CSMD1: variants seen among roughly 807,000 people sequenced by gnomAD.
CSMD1 encodes the protein CUB and Sushi multiple domains 1.
Under a neutral mutation model 417.5 loss-of-function variants are expected in CSMD1, and 213 were observed. The ratio of observed to expected loss-of-function variants is 0.51; its 90% CI spans 0.46 to 0.57. CSMD1 has a LOEUF of 0.57. CSMD1 is among the 20% of genes least tolerant of loss of function. CSMD1 has a pLI of 0.00. For missense variants in CSMD1, 6,923 were observed against 4,529.7 expected (o/e 1.53, Z -15.17); for synonymous variants, 2,862 against 1,736.8 (o/e 1.65, Z -16.11).
At chr8:3,675,001 G>T (rs1283496594) in intron 7 of CSMD1, among the ~76,000 whole-genome samples, 2 of 152,164 alleles carry the variant, frequency 1.3e-5, no homozygotes, top group African/African-American at 4.8e-5. Context: ...CTCCCTGGAA[G>T]GTTTTTAATG....
At chr8:3,596,071 G>A (rs1186154812) in intron 8 of CSMD1, among the ~76,000 whole-genome samples, 3 of 152,230 alleles carry the variant, frequency 2.0e-5, no homozygotes, top group South Asian at 4.1e-4. Context: ...GAAGCCAGAG[G>A]AGACTCTTCG....
At chr8:4,845,491 C>CT (rs1801088845) in intron 1 of CSMD1, among the ~76,000 whole-genome samples, 1 of 152,190 alleles carries the variant, frequency 6.6e-6, no homozygotes, top group Admixed American at 6.5e-5. Context: ...CGACAATTCA[C>CT]CAATTTTGAA....
chr8:3,478,276 G>C (rs12114645), intron 11 of CSMD1, among the ~76,000 whole-genome samples: 3,444 of 152,308 alleles, frequency 0.023, 122 homozygotes, highest in African/African-American at 0.076. Flanking sequence ...GCGTGAAAAA[G>C]ATGTAATCCA....
chr8:3,941,786 T>C (rs1376172705), intron 5 of CSMD1, among the ~76,000 whole-genome samples: 1 of 152,148 alleles, frequency 6.6e-6, no homozygotes, highest in Non-Finnish European at 1.5e-5. Context: ...GATTCCAATT[T>C]TTCCTCTGTT....
chr8:4,406,940 T>A (rs1805067297), intron 3 of CSMD1, among the ~76,000 whole-genome samples: 1 of 152,172 alleles, frequency 6.6e-6, no homozygotes, highest in Non-Finnish European at 1.5e-5. Flanking sequence ...CAAGCTGACT[T>A]AAAAGGGAAG....
At chr8:4,855,849 T>G (rs1201761704) in intron 1 of CSMD1, among the ~76,000 whole-genome samples, 2 of 150,878 alleles carry the variant, frequency 1.3e-5, no homozygotes, top group Admixed American at 1.3e-4. Context: ...TGCAGGATAT[T>G]ATCCAGGAGA....
intron 18 of CSMD1, among the ~76,000 whole-genome samples, chr8:3,384,700 TTA>T (rs1163035618): frequency 1.8e-4 from 19 of 108,358 alleles, no homozygotes; most frequent in African/African-American, 6.8e-4. Flanking sequence ...TTTATATAAA[TTA>T]TATATAAATA....
intron 39 of CSMD1, among the ~76,000 whole-genome samples, chr8:3,154,098 C>T (rs890859544): frequency 6.6e-6 from 1 of 152,188 alleles, no homozygotes. Context: ...TCCCGAGTAG[C>T]TGGGATTACA....
intron 8 of CSMD1, among the ~76,000 whole-genome samples, chr8:3,609,270 C>A (rs1801772755): frequency 6.6e-6 from 1 of 152,172 alleles, no homozygotes; most frequent in Non-Finnish European, 1.5e-5. Flanking sequence ...AGTACCCACC[C>A]ATAAATTCTC....
chr8:3,147,344 C>CT (rs1463669556), intron 40 of CSMD1, among the ~76,000 whole-genome samples: 1 of 152,192 alleles, frequency 6.6e-6, no homozygotes, highest in Non-Finnish European at 1.5e-5. Context: ...ACGAAAGCAA[C>CT]TTTTCTTAAA....
chr8:3,671,849 C>A (rs911904135), intron 7 of CSMD1, among the ~76,000 whole-genome samples: 1 of 152,016 alleles, frequency 6.6e-6, no homozygotes, highest in Admixed American at 6.6e-5. Context: ...AGCAGGCCCA[C>A]TCACCTGTCA....
chr8:4,088,074 T>C (rs558257791), intron 3 of CSMD1, among the ~76,000 whole-genome samples: 5 of 152,124 alleles, frequency 3.3e-5, no homozygotes, highest in Non-Finnish European at 7.3e-5. Flanking sequence ...ACAGTAACAA[T>C]GACTAGAGGA....
At chr8:3,701,756 T>C (rs969292824) in intron 7 of CSMD1, among the ~76,000 whole-genome samples, 3 of 152,188 alleles carry the variant, frequency 2.0e-5, no homozygotes, top group East Asian at 1.9e-4. Context: ...ATTAAGTATA[T>C]ACAGTAATTG....
At chr8:3,562,312 G>A (rs1318320520) in intron 10 of CSMD1, among the ~76,000 whole-genome samples, 1 of 122,128 alleles carries the variant, frequency 8.2e-6, no homozygotes, top group Non-Finnish European at 1.8e-5. Context: ...GAAAGACTTG[G>A]GAACCCTCCT....
rs990847742 is a variant in CSMD1 at position 3,468,835 on chromosome 8, G to T, written c.1449-11C>A. 2 of 1,562,208 alleles carry T rather than the reference G, an allele frequency of 1.3e-6. No individual in the cohort carries two copies. The highest frequency in any genetic ancestry group is 1.7e-6 in the Non-Finnish European group (2 of 1,149,520). On this transcript the variant is annotated splice_polypyrimidine_tract_variant and intron_variant, in intron 11 of 69. Transcript: ENST00000635120. ...CTGGATCCCGTGAGCCTGCAAGAAA[G>T]AGAAATGTCAAAGCTTTTAGGTAAG...
intron 37 of CSMD1, among the ~76,000 whole-genome samples, chr8:3,172,012 G>C (rs1820610613): frequency 6.6e-6 from 1 of 152,104 alleles, no homozygotes; most frequent in Non-Finnish European, 1.5e-5. Flanking sequence ...TTTAATGAAA[G>C]TAAACTCACT....
rs986682612 is a variant in CSMD1 at position 3,678,517 on chromosome 8, C to T, written c.1009+29897G>A. Among the ~76,000 whole-genome samples the T allele has an allele frequency of 7.2e-5, 11 of 152,090 alleles. No homozygotes were observed. The East Asian group carries it at 2.1e-3, about 29-fold the overall frequency. On this transcript the variant is annotated intron_variant, in intron 7 of 69. Transcript: ENST00000635120. ...GAATAAAAAGAAATGAACAAAGCCTCCAAGAAATATGGGACTATGTGAAAA... is the reference window on the plus strand; with the variant it reads ...GAATAAAAAGAAATGAACAAAGCCTTCAAGAAATATGGGACTATGTGAAAA...
chr8:3,471,731 G>C (rs111226193), intron 11 of CSMD1, among the ~76,000 whole-genome samples: 2,448 of 129,736 alleles, frequency 0.019, 62 homozygotes, highest in African/African-American at 0.063. Flanking sequence ...CTTGCTTTCT[G>C]TTATCATTCC....
At chr8:3,316,669 C>T (rs1162504841) in intron 23 of CSMD1, among the ~76,000 whole-genome samples, 1 of 152,052 alleles carries the variant, frequency 6.6e-6, no homozygotes, top group Non-Finnish European at 1.5e-5. Context: ...TATGCTGATG[C>T]TTCCTTTTAA....
Sources: gnomAD v4.1 joint callset for allele counts (sites outside exome capture counted in the v4.1 genomes callset) on GRCh38, gnomAD v4.1.1 for gene constraint, MANE v1.5 for transcripts, NCBI Gene and HGNC (gene_info 2026-07-23, HGNC 2026-07-21) for gene names.